CDH13: variants seen among roughly 807,000 people sequenced by gnomAD.
CDH13 encodes cadherin-13.
CDH13 carries 24 observed loss-of-function variants against 63.8 expected under a neutral mutation model. The observed-to-expected ratio is 0.38, with a 90% CI of 0.27 to 0.53. The LOEUF (loss-of-function observed/expected upper bound fraction) is 0.53. Among genes scored for constraint, CDH13 ranks in the 20% least tolerant of loss-of-function variants. CDH13 has a pLI of 0.85. For synonymous variants in CDH13, 503 were observed against 355.3 expected, an observed-to-expected ratio of 1.42 and a Z score of -4.67; for missense variants, 1,049 against 903.1, an observed-to-expected ratio of 1.16 and a Z score of -2.07.
chr16:83,444,896 G>A (rs935885534), intron 6 of CDH13, among the ~76,000 whole-genome samples: 6 of 730 alleles, frequency 8.2e-3, no homozygotes, highest in Middle Eastern at 0.5. Context: ...GGGAGTTCAC[G>A]GAAGACTCCA....
chr16:83,532,415 C>A (rs138570968), intron 7 of CDH13, among the ~76,000 whole-genome samples: 38 of 152,282 alleles, frequency 2.5e-4, no homozygotes, highest in African/African-American at 8.9e-4. Context: ...CACCTGGAAC[C>A]AGTGCTTGGA....
chr16:82,862,670 C>A (rs2151173922), intron 2 of CDH13, among the ~76,000 whole-genome samples: 1 of 152,216 alleles, frequency 6.6e-6, no homozygotes, highest in East Asian at 1.9e-4. Context: ...AATTTACCTA[C>A]AATACAACTT....
chr16:83,125,965 C>T (rs974609938), intron 4 of CDH13, among the ~76,000 whole-genome samples: 4 of 152,060 alleles, frequency 2.6e-5, no homozygotes, highest in South Asian at 2.1e-4. Flanking sequence ...TATCCAGAAT[C>T]GGATATGGAA....
chr16:82,642,207 G>C (rs1319230750), intron 1 of CDH13, among the ~76,000 whole-genome samples: 2 of 151,988 alleles, frequency 1.3e-5, no homozygotes, highest in Non-Finnish European at 2.9e-5. Context: ...AATTTGTCTG[G>C]AATATTTCTG....
intron 2 of CDH13, among the ~76,000 whole-genome samples, chr16:83,024,056 A>G (rs184503849): frequency 9.6e-4 from 146 of 152,260 alleles, no homozygotes; most frequent in Middle Eastern, 3.4e-3. Flanking sequence ...CTTATCTGAT[A>G]TTTGGATATC....
chr16:83,214,579 C>A (rs1306310357), intron 4 of CDH13, among the ~76,000 whole-genome samples: 71 of 39,788 alleles, frequency 1.8e-3, no homozygotes, highest in African/African-American at 3.7e-3. Flanking sequence ...GACTCTGTCT[C>A]AAAAAAAAAA....
At chr16:82,683,350 C>T (rs561652510) in intron 1 of CDH13, among the ~76,000 whole-genome samples, 1 of 152,186 alleles carries the variant, frequency 6.6e-6, no homozygotes, top group Non-Finnish European at 1.5e-5. Flanking sequence ...AGATGCTAGC[C>T]TGTTCTTGCC....
chr16:83,248,442 C>T (rs1227529151), intron 5 of CDH13, among the ~76,000 whole-genome samples: 1 of 152,176 alleles, frequency 6.6e-6, no homozygotes, highest in Admixed American at 6.5e-5. Flanking sequence ...AGCCCTGTCA[C>T]ATGCAGGTGT....
intron 1 of CDH13, among the ~76,000 whole-genome samples, chr16:82,651,014 G>T (rs1459646419): frequency 6.6e-6 from 1 of 152,118 alleles, no homozygotes; most frequent in African/African-American, 2.4e-5. Context: ...CTGTCATGTG[G>T]TTTTTGGGGG....
At chr16:83,328,832 A>C (rs1021600693) in intron 5 of CDH13, among the ~76,000 whole-genome samples, 5 of 152,108 alleles carry the variant, frequency 3.3e-5, no homozygotes, top group African/African-American at 1.2e-4. Flanking sequence ...CTTAGTTTGA[A>C]ATGCTTAAGA....
At chr16:83,346,101 A>G (rs537261636) in intron 6 of CDH13, among the ~76,000 whole-genome samples, 32 of 152,238 alleles carry the variant, frequency 2.1e-4, no homozygotes, top group African/African-American at 7.5e-4. Flanking sequence ...CAAGGGCAAG[A>G]GCGACCCTCT....
At chr16:83,600,744 C>G (rs1342103112) in intron 7 of CDH13, among the ~76,000 whole-genome samples, 1 of 152,170 alleles carries the variant, frequency 6.6e-6, no homozygotes, top group Non-Finnish European at 1.5e-5. Context: ...ATTAAGAAAT[C>G]TGTCCAACGT....
At chr16:83,555,663 TCTGA>T (rs1350443618) in intron 7 of CDH13, among the ~76,000 whole-genome samples, 1 of 152,216 alleles carries the variant, frequency 6.6e-6, no homozygotes, top group Admixed American at 6.5e-5. Flanking sequence ...GTGGAACCAT[TCTGA>T]CTTTTTGAGA....
intron 8 of CDH13, among the ~76,000 whole-genome samples, chr16:83,636,884 A>G (rs1911312959): frequency 6.6e-6 from 1 of 152,188 alleles, no homozygotes; most frequent in Admixed American, 6.5e-5. Context: ...CCAGCAGCAT[A>G]TATGTGTTCC....
intron 2 of CDH13, among the ~76,000 whole-genome samples, chr16:82,937,620 CA>C (rs2042712538): frequency 6.6e-6 from 1 of 152,196 alleles, no homozygotes; most frequent in African/African-American, 2.4e-5. Flanking sequence ...AAGCCAGTTG[CA>C]AACAGATATA....
At chr16:83,488,487 T>G (rs144627654) in intron 7 of CDH13, among the ~76,000 whole-genome samples, 1 of 152,256 alleles carries the variant, frequency 6.6e-6, no homozygotes, top group Admixed American at 6.5e-5. Context: ...GAAATTTGCA[T>G]TGAAACTCTG....
chr16:83,053,355 C>G (rs1336802973), intron 3 of CDH13, among the ~76,000 whole-genome samples: 1 of 151,992 alleles, frequency 6.6e-6, no homozygotes, highest in South Asian at 2.1e-4. Flanking sequence ...TCTTTTTTGG[C>G]TTTCTATATG....
chr16:83,597,085 T>A (rs2150743931), intron 7 of CDH13, among the ~76,000 whole-genome samples: 1 of 152,130 alleles, frequency 6.6e-6, no homozygotes, highest in South Asian at 2.1e-4. Flanking sequence ...TAGCCAGGTG[T>A]GGTGGCACAT....
chr16:82,627,843 T>C (rs942642169), intron 1 of CDH13, among the ~76,000 whole-genome samples: 1 of 152,184 alleles, frequency 6.6e-6, no homozygotes, highest in African/African-American at 2.4e-5. Context: ...CGCACCCCTA[T>C]TGTCCAGCCA....
Sources: gnomAD v4.1 joint callset for allele counts (sites outside exome capture counted in the v4.1 genomes callset) on GRCh38, gnomAD v4.1.1 for gene constraint, MANE v1.5 for transcripts, NCBI Gene and HGNC (gene_info 2026-07-23, HGNC 2026-07-21) for gene names.